SLC25A13: variants seen among roughly 807,000 people sequenced by gnomAD.
SLC25A13 encodes the protein solute carrier family 25 member 13.
SLC25A13 carries 70 observed loss-of-function variants against 85.5 expected under a neutral mutation model. The ratio of observed to expected loss-of-function variants is 0.82; its 90% CI spans 0.68 to 1.00. SLC25A13 has a LOEUF of 1.00. Ranked by LOEUF, SLC25A13 falls within the 50% of genes least tolerant of loss-of-function variation. The pLI, the probability that SLC25A13 is intolerant of heterozygous loss-of-function variation, is 0.00. For synonymous variants in SLC25A13, 259 were observed against 288.7 expected (o/e 0.90, Z 1.04); for missense variants, 765 against 819.8 (o/e 0.93, Z 0.82).
chr7:96,295,735 C>T (rs995160927), intron 2 of SLC25A13, among the ~76,000 whole-genome samples: 1 of 151,994 alleles, frequency 6.6e-6, no homozygotes, highest in African/African-American at 2.4e-5. Context: ...CTTTCTACAC[C>T]ATATTCAGTA....
intron 11 of SLC25A13, among the ~76,000 whole-genome samples, chr7:96,178,469 T>G (rs1260036351): frequency 6.6e-6 from 1 of 151,976 alleles, no homozygotes; most frequent in Non-Finnish European, 1.5e-5. Context: ...AGCAGTAAAC[T>G]TTGGAAGGAA....
intron 15 of SLC25A13, among the ~76,000 whole-genome samples, chr7:96,125,638 C>T (rs1416250293): frequency 6.6e-6 from 1 of 152,050 alleles, no homozygotes; most frequent in Non-Finnish European, 1.5e-5. Context: ...ATTACTTTTC[C>T]CTAGGGAACT....
At chr7:96,241,851 C>T (rs1257980650) in intron 3 of SLC25A13, among the ~76,000 whole-genome samples, 1 of 152,144 alleles carries the variant, frequency 6.6e-6, no homozygotes, top group Non-Finnish European at 1.5e-5. Flanking sequence ...GAAAGAATCA[C>T]ACTAACGGAC....
intron 4 of SLC25A13, among the ~76,000 whole-genome samples, chr7:96,217,851 T>C (rs1055724060): frequency 6.6e-6 from 1 of 150,652 alleles, no homozygotes; most frequent in East Asian, 1.9e-4. Flanking sequence ...TAAAAACCAT[T>C]GAATTATATA....
intron 3 of SLC25A13, among the ~76,000 whole-genome samples, chr7:96,239,037 T>TTATATATATA (rs58990918): frequency 9.6e-4 from 125 of 130,852 alleles, no homozygotes; most frequent in African/African-American, 3.1e-3. Context: ...ACTATATATT[T>TTATATATATA]TATATATATA....
chr7:96,313,731 A>T (rs1000657071), intron 1 of SLC25A13, among the ~76,000 whole-genome samples: 2 of 152,204 alleles, frequency 1.3e-5, no homozygotes, highest in Non-Finnish European at 2.9e-5. Flanking sequence ...CCAGGTAACA[A>T]ATCTGTACAT....
At chr7:96,136,352 A>C (rs1306145981) in intron 14 of SLC25A13, among the ~76,000 whole-genome samples, 3 of 152,150 alleles carry the variant, frequency 2.0e-5, no homozygotes, top group Non-Finnish European at 4.4e-5. Context: ...TTTGATGTGG[A>C]CACTGTGCTG....
intron 3 of SLC25A13, among the ~76,000 whole-genome samples, chr7:96,240,343 G>A (rs1158716108): frequency 1.3e-5 from 2 of 152,146 alleles, no homozygotes; most frequent in Non-Finnish European, 2.9e-5. Flanking sequence ...ACTCAGTCTT[G>A]CAATAAAAGT....
chr7:96,315,399 T>C (rs1800093318), intron 1 of SLC25A13, among the ~76,000 whole-genome samples: 1 of 152,156 alleles, frequency 6.6e-6, no homozygotes, highest in African/African-American at 2.4e-5. Context: ...GACCCAGGCA[T>C]CAGCAGTTTT....
At chr7:96,182,580 A>G (rs1301350029) in intron 11 of SLC25A13, among the ~76,000 whole-genome samples, 2 of 152,236 alleles carry the variant, frequency 1.3e-5, no homozygotes, top group Non-Finnish European at 2.9e-5. Flanking sequence ...CATCTTACAG[A>G]TAAAAGAACT....
intron 3 of SLC25A13, among the ~76,000 whole-genome samples, chr7:96,240,738 C>A (rs1796937921): frequency 1.6e-5 from 2 of 128,870 alleles, no homozygotes; most frequent in African/African-American, 2.8e-5. Context: ...AGTGAGACAC[C>A]ATCTACTAGA....
chr7:96,322,017 C>G lies in SLC25A13; in HGVS notation c.-61G>C. On this transcript the variant is annotated 5_prime_UTR_variant, in exon 1 of 18. Transcript: ENST00000265631. ...TGACTGGCTGGCTGGCGTTTGGGAC[C>G]CGGGCGGCTCACTTCTAGTCCCGGC... The G allele has an allele frequency of 1.3e-6, 2 of 1,529,854 alleles. No homozygotes were observed. Among genetic ancestry groups the G allele is most frequent in the Non-Finnish European group, 1.8e-6 (2 of 1,138,628 alleles). The allele number at this position is 1,529,854 out of a possible 1,614,324, so 94.8% of individuals were successfully genotyped here.
intron 7 of SLC25A13, among the ~76,000 whole-genome samples, chr7:96,190,260 T>C (rs1308269018): frequency 5.3e-5 from 8 of 151,890 alleles, no homozygotes. Context: ...AATTTTTTTA[T>C]ATATACATTT....
chr7:96,321,916 C>G (rs745587156), intron 1 of SLC25A13, 26 bp downstream of exon 1: 17 of 1,525,322 alleles, frequency 1.1e-5, no homozygotes, highest in Non-Finnish European at 1.5e-5. Flanking sequence ...CAGGCGCGCT[C>G]CCCCCGGCCT....
intron 14 of SLC25A13, among the ~76,000 whole-genome samples, chr7:96,137,205 T>C (rs1457588928): frequency 2.0e-5 from 3 of 152,134 alleles, no homozygotes; most frequent in Admixed American, 1.3e-4. Context: ...TGCTGAGAAA[T>C]AGCAATGGTG....
At chr7:96,234,354 C>T (rs2116813803) in intron 4 of SLC25A13, among the ~76,000 whole-genome samples, 1 of 152,268 alleles carries the variant, frequency 6.6e-6, no homozygotes, top group South Asian at 2.1e-4. Flanking sequence ...TTCTGAACCA[C>T]CATCTTGTGC....
At chr7:96,211,331 T>C (rs1029406131) in intron 4 of SLC25A13, among the ~76,000 whole-genome samples, 2 of 152,294 alleles carry the variant, frequency 1.3e-5, no homozygotes, top group African/African-American at 4.8e-5. Flanking sequence ...GATAGAGCTA[T>C]ACATTATCCC....
chr7:96,290,807 TA>T (rs1799089901), intron 2 of SLC25A13, among the ~76,000 whole-genome samples: 1 of 152,074 alleles, frequency 6.6e-6, no homozygotes, highest in African/African-American at 2.4e-5. Flanking sequence ...CAAAGAGACT[TA>T]GACTCCCACA....
At chr7:96,134,797 A>T (rs775915032) in intron 14 of SLC25A13, among the ~76,000 whole-genome samples, 6 of 141,848 alleles carry the variant, frequency 4.2e-5, no homozygotes, top group Admixed American at 2.1e-4. Flanking sequence ...ACAATTTTAT[A>T]TATATATATA....
Sources: allele counts gnomAD v4.1 joint callset (sites outside exome capture counted in the v4.1 genomes callset), GRCh38; gene constraint gnomAD v4.1.1; transcripts MANE v1.5; gene names NCBI Gene and HGNC (gene_info 2026-07-23, HGNC 2026-07-21).